GABRR3: variants seen among roughly 807,000 people sequenced by gnomAD.
The protein encoded by GABRR3 is gamma-aminobutyric acid type A receptor subunit rho3.
GABRR3 carries 29 observed loss-of-function variants against 43.2 expected under a neutral mutation model. That is an observed-to-expected ratio of 0.67 (90% CI 0.50 to 0.92). The LOEUF (loss-of-function observed/expected upper bound fraction) is 0.92. GABRR3 is among the 40% of genes least tolerant of loss of function. GABRR3 has a pLI of 0.00. For synonymous variants in GABRR3, 206 were observed against 195.9 expected, an observed-to-expected ratio of 1.05 and a Z score of -0.43; for missense variants, 576 against 572.3, an observed-to-expected ratio of 1.01 and a Z score of -0.07.
chr3:98,034,036 C>T (rs941235555), intron 2 of GABRR3, among the ~76,000 whole-genome samples: 1 of 152,094 alleles, frequency 6.6e-6, no homozygotes, highest in African/African-American at 2.4e-5. Context: ...CATCTGTCAC[C>T]CCATTGGCTG....
At chr3:98,015,706 A>G (rs1559778941) in intron 4 of GABRR3, among the ~76,000 whole-genome samples, 1 of 152,238 alleles carries the variant, frequency 6.6e-6, no homozygotes, top group African/African-American at 2.4e-5. Flanking sequence ...CGGAAAAGAT[A>G]GCAATTGAGG....
intron 6 of GABRR3, among the ~76,000 whole-genome samples, chr3:98,008,589 T>G (rs1294914696): frequency 6.6e-6 from 1 of 152,168 alleles, no homozygotes; most frequent in East Asian, 1.9e-4. Flanking sequence ...AATGGAGGAT[T>G]GTGATTCATC....
intron 3 of GABRR3, among the ~76,000 whole-genome samples, 164 bp downstream of exon 3, chr3:98,025,403 T>TA (rs1706998018): frequency 6.6e-6 from 1 of 152,240 alleles, no homozygotes; most frequent in Non-Finnish European, 1.5e-5. Context: ...TTAAAATGGA[T>TA]AACTCATCAA....
intron 2 of GABRR3, among the ~76,000 whole-genome samples, chr3:98,031,734 C>A (rs901740402): frequency 4.0e-5 from 6 of 151,728 alleles, no homozygotes; most frequent in Admixed American, 2.0e-4. Context: ...GAGAACAAGA[C>A]CTTGTTTCAG....
chr3:97,990,247 A>T (rs1433563935), intron 9 of GABRR3, among the ~76,000 whole-genome samples: 1 of 152,208 alleles, frequency 6.6e-6, no homozygotes, highest in South Asian at 2.1e-4. Flanking sequence ...GTACATGGGG[A>T]AGAAATGACA....
intron 2 of GABRR3, among the ~76,000 whole-genome samples, chr3:98,025,893 T>C (rs1018152671): frequency 2.6e-5 from 4 of 152,210 alleles, no homozygotes; most frequent in African/African-American, 9.6e-5. Context: ...TGGAGCACAT[T>C]AAGTGACAAA....
exon 10 of GABRR3, chr3:97,986,897 G>C: frequency 6.2e-7 from 1 of 1,611,754 alleles, no homozygotes; most frequent in Admixed American, 1.7e-5. Flanking sequence ...AGAGAGGGAA[G>C]TCTGGTCCAT....
At chr3:98,017,328 C>G (rs533236225) in intron 4 of GABRR3, among the ~76,000 whole-genome samples, 1 of 152,154 alleles carries the variant, frequency 6.6e-6, no homozygotes, top group African/African-American at 2.4e-5. Flanking sequence ...GATTTCATAT[C>G]GCACATATAG....
chr3:98,024,074 T>C (rs1325413734), intron 3 of GABRR3, among the ~76,000 whole-genome samples: 1 of 152,134 alleles, frequency 6.6e-6, no homozygotes, highest in East Asian at 1.9e-4. Flanking sequence ...ACCCTTAGAA[T>C]TGGCCGGGTG....
intron 8 of GABRR3, chr3:98,000,698 A>C (rs1271109908): frequency 3.9e-5 from 6 of 152,120 alleles, no homozygotes; most frequent in Non-Finnish European, 8.8e-5. Context: ...ATTGTGTGAT[A>C]ATTACAATAA....
At chr3:98,034,066 A>T (rs1707123097) in intron 2 of GABRR3, among the ~76,000 whole-genome samples, 1 of 152,090 alleles carries the variant, frequency 6.6e-6, no homozygotes, top group African/African-American at 2.4e-5. Flanking sequence ...ACCAGATGAT[A>T]CTCTTCATTC....
intron 2 of GABRR3, among the ~76,000 whole-genome samples, chr3:98,029,482 A>G (rs1046413189): frequency 6.6e-6 from 1 of 152,126 alleles, no homozygotes; most frequent in South Asian, 2.1e-4. Flanking sequence ...GGAAAAGGAA[A>G]TGCACCTAAC....
exon 5 of GABRR3, chr3:98,012,361 G>T (rs765501458): frequency 1.2e-6 from 2 of 1,613,666 alleles, no homozygotes; most frequent in Non-Finnish European, 1.7e-6. Flanking sequence ...TTAGGAGGAC[G>T]TTTCCATCAG....
At chr3:97,992,994 A>T in exon 9 of GABRR3, 2 of 1,613,164 alleles carry the variant, frequency 1.2e-6, no homozygotes, top group Middle Eastern at 1.7e-4. Flanking sequence ...CACCTGGGGC[A>T]TGGAGGCGCT....
rs539696666 is a variant in GABRR3 at position 98,024,315 on chromosome 3, C to T, written c.238+1252G>A. Among the ~76,000 whole-genome samples the T allele has an allele frequency of 3.2e-4, 47 of 145,980 alleles. No individual in the cohort carries two copies. In the East Asian group the frequency reaches 6.1e-3, roughly 19 times the overall value. On this transcript the variant is annotated intron_variant, in intron 3 of 9. Transcript: ENST00000621172. Reference sequence around the variant, plus strand: ...TGGAGGATGCAGTGAGCCGAGATCGCGCCACTGCATGCCAGCAATCCAGCC... The same window carrying T: ...TGGAGGATGCAGTGAGCCGAGATCGTGCCACTGCATGCCAGCAATCCAGCC...
At chr3:97,990,766 G>A (rs1430621125) in intron 9 of GABRR3, among the ~76,000 whole-genome samples, 3 of 150,660 alleles carry the variant, frequency 2.0e-5, no homozygotes, top group East Asian at 1.9e-4. Context: ...GCTTAGAATG[G>A]TGGTTTCCAG....
chr3:98,011,692 T>C (rs1706794078), intron 5 of GABRR3, among the ~76,000 whole-genome samples: 1 of 152,142 alleles, frequency 6.6e-6, no homozygotes, highest in East Asian at 1.9e-4. Context: ...GTATCATTTC[T>C]TCACCCTACT....
chr3:98,007,862 C>T (rs760476762), exon 7 of GABRR3: 1 of 1,604,806 alleles, frequency 6.2e-7, no homozygotes, highest in Non-Finnish European at 8.5e-7. Context: ...GGACTTGTTT[C>T]CGTGTTTCCA....
At position 98,034,852 on chromosome 3, in the gene GABRR3, G is replaced by A; in HGVS notation, c.125+11C>T. The A allele has an allele frequency of 3.1e-6, 5 of 1,612,644 alleles. No homozygotes were observed. The highest frequency in any genetic ancestry group is 1.1e-5 in the South Asian group (1 of 90,998). On this transcript the variant is annotated intron_variant, in intron 2 of 9. Coordinates refer to ENST00000621172, the Ensembl canonical transcript of GABRR3. ...GCAGTAATTCCATGGACTGCACTAT[G>A]AGCATCTTACCAGGTTTGTTTCATT...
Sources: allele counts gnomAD v4.1 joint callset (sites outside exome capture counted in the v4.1 genomes callset), GRCh38; gene constraint gnomAD v4.1.1; transcripts MANE v1.5; gene names NCBI Gene and HGNC (gene_info 2026-07-23, HGNC 2026-07-21).